RFX3: variants seen among roughly 807,000 people sequenced by gnomAD.
The protein encoded by RFX3 is transcription factor RFX3.
In RFX3, 14 loss-of-function variants were observed where a neutral mutation model predicts 98.6. The ratio of observed to expected loss-of-function variants is 0.14; its 90% CI spans 0.09 to 0.22. RFX3 has a LOEUF of 0.22. Among genes scored for constraint, RFX3 ranks in the 10% least tolerant of loss-of-function variants. The pLI is 1.00. For synonymous variants in RFX3, 383 were observed against 328.4 expected, an observed-to-expected ratio of 1.17 and a Z score of -1.80; for missense variants, 639 against 926.9, an observed-to-expected ratio of 0.69 and a Z score of 4.03.
chr9:3,370,042 C>T (rs1211286859), intron 2 of RFX3, among the ~76,000 whole-genome samples: 2 of 148,014 alleles, frequency 1.4e-5, no homozygotes, highest in Non-Finnish European at 3.0e-5. Flanking sequence ...GGGGTTTCCC[C>T]GTGTTAGCCA....
chr9:3,357,741 C>T (rs866728884), intron 2 of RFX3, among the ~76,000 whole-genome samples: 1 of 151,886 alleles, frequency 6.6e-6, no homozygotes, highest in African/African-American at 2.4e-5. Flanking sequence ...CTAGAAGAAT[C>T]GTAATGTTCC....
At chr9:3,441,353 CAT>C (rs1256357015) in intron 1 of RFX3, among the ~76,000 whole-genome samples, 5 of 151,912 alleles carry the variant, frequency 3.3e-5, no homozygotes, top group Admixed American at 1.3e-4. Context: ...AGCACATTTA[CAT>C]ATGTTTCCTG....
chr9:3,228,970 C>T (rs1368187905), intron 15 of RFX3, 81 bp from the exon 16 acceptor site: 7 of 1,194,872 alleles, frequency 5.9e-6, no homozygotes, highest in Non-Finnish European at 8.4e-6. Context: ...GTAAAAATGC[C>T]AATCTATGAC....
intron 1 of RFX3, among the ~76,000 whole-genome samples, chr9:3,434,301 T>C (rs950524593): frequency 6.6e-6 from 1 of 152,136 alleles, no homozygotes. Flanking sequence ...TAACAGAATA[T>C]ACCACTCTGC....
intron 5 of RFX3, among the ~76,000 whole-genome samples, chr9:3,297,793 A>C (rs1828171021): frequency 6.6e-6 from 1 of 151,992 alleles, no homozygotes. Flanking sequence ...CATAAAATAG[A>C]CGGCTAGAGC....
At position 3,340,757 on chromosome 9, in the gene RFX3, G is replaced by C. The variant is rs1355483487; in HGVS notation, c.215+5910C>G. On this transcript the variant is annotated intron_variant, in intron 3 of 16. Coordinates refer to ENST00000617270, the MANE Select transcript of RFX3 (RefSeq NM_001282116.2). ...ATCCTTAAAAACTCAGGAAACAACA[G>C]GTGCTGGAGAGGATGTGGAGAAATA... Among the ~76,000 whole-genome samples the C allele has an allele frequency of 2.6e-5, 4 of 152,280 alleles. No homozygotes were observed. The East Asian group carries it at 7.7e-4, about 29-fold the overall frequency.
intron 1 of RFX3, among the ~76,000 whole-genome samples, chr9:3,485,994 C>T (rs764745266): frequency 1.3e-5 from 2 of 151,738 alleles, no homozygotes; most frequent in Non-Finnish European, 2.9e-5. Flanking sequence ...CATGGTGGCG[C>T]ATTGCCTGTA....
intron 4 of RFX3, among the ~76,000 whole-genome samples, chr9:3,318,185 T>C (rs971954143): frequency 5.3e-5 from 8 of 152,228 alleles, no homozygotes; most frequent in East Asian, 3.8e-4. Context: ...TGGAATACTA[T>C]GCAACCATAA....
chr9:3,503,330 T>C (rs1272157941), intron 1 of RFX3, among the ~76,000 whole-genome samples: 3 of 152,196 alleles, frequency 2.0e-5, no homozygotes, highest in Non-Finnish European at 4.4e-5. Context: ...AGATGGTTTT[T>C]TGCTTTGCTT....
chr9:3,295,560 T>C (rs1203763847), intron 5 of RFX3, among the ~76,000 whole-genome samples: 1 of 152,116 alleles, frequency 6.6e-6, no homozygotes, highest in Non-Finnish European at 1.5e-5. Context: ...AAATACTTTT[T>C]GAAACAGAGT....
At chr9:3,258,410 G>C (rs879401049) in intron 13 of RFX3, among the ~76,000 whole-genome samples, 2 of 152,044 alleles carry the variant, frequency 1.3e-5, no homozygotes, top group African/African-American at 4.8e-5. Flanking sequence ...TCTAGTTCCA[G>C]TATCTCTCCT....
chr9:3,469,250 T>C, intron 1 of RFX3: 1 of 448,038 alleles, frequency 2.2e-6, no homozygotes, highest in Non-Finnish European at 4.5e-6. Context: ...GGAACACAAA[T>C]ACGTTATGCT....
At chr9:3,235,684 A>G (rs607243) in intron 15 of RFX3, among the ~76,000 whole-genome samples, 3,466 of 152,186 alleles carry the variant, frequency 0.023, 64 homozygotes, top group Middle Eastern at 0.044. Context: ...TTCCATTTTC[A>G]AAGCCAGTGA....
chr9:3,266,999 A>C (rs1269074571), intron 11 of RFX3, among the ~76,000 whole-genome samples: 1 of 152,036 alleles, frequency 6.6e-6, no homozygotes, highest in East Asian at 1.9e-4. Flanking sequence ...TAAAACCTGA[A>C]ATAGGGATAG....
rs78692571 is a variant in RFX3, at chr9:3,339,563, C to T, written c.215+7104G>A. Among the ~76,000 whole-genome samples the T allele has an allele frequency of 7.4e-3, 1,132 of 152,268 alleles. 8 individuals carry two copies. Among genetic ancestry groups the T allele is most frequent in the African/African-American group, 0.026 (1,071 of 41,542 alleles). ...CACCAAGTAGTCAGCTCCTGTCTCA[C>T]TGATCATTCAATGCTAATCTTTAAT... On this transcript the variant is annotated intron_variant, in intron 3 of 16. Transcript: ENST00000617270.
chr9:3,492,042 T>C lies in RFX3; in HGVS notation c.-9+33705A>G, dbSNP rs1587849520. 2.6e-5 allele frequency among the ~76,000 whole-genome samples: 4 copies of C among 152,330 alleles called. 1 individual carries two copies. Among genetic ancestry groups the C allele is most frequent in the African/African-American group, 9.6e-5 (4 of 41,582 alleles). On this transcript the variant is annotated intron_variant, in intron 1 of 16. Transcript: ENST00000617270. ...TCTACAATGACTTTATTTTCATCTC[T>C]GGCACAACTATTCAAAATATCTACT...
chr9:3,504,052 T>C (rs953214296), intron 1 of RFX3, among the ~76,000 whole-genome samples: 1 of 150,302 alleles, frequency 6.7e-6, no homozygotes, highest in African/African-American at 2.4e-5. Context: ...GAATTTAATT[T>C]TGAAAATGGC....
At chr9:3,507,193 G>C (rs571476686) in intron 1 of RFX3, among the ~76,000 whole-genome samples, 2 of 151,890 alleles carry the variant, frequency 1.3e-5, no homozygotes, top group South Asian at 4.1e-4. Flanking sequence ...AATTAGCAGA[G>C]ATAATAAGAA....
At chr9:3,348,689 G>T (rs537874642) in intron 2 of RFX3, among the ~76,000 whole-genome samples, 1 of 151,808 alleles carries the variant, frequency 6.6e-6, no homozygotes, top group Non-Finnish European at 1.5e-5. Flanking sequence ...AGAGGTGATC[G>T]GTGTGGTTTT....
Sources: allele counts gnomAD v4.1 joint callset (sites outside exome capture counted in the v4.1 genomes callset), GRCh38; gene constraint gnomAD v4.1.1; transcripts MANE v1.5; gene names NCBI Gene and HGNC (gene_info 2026-07-23, HGNC 2026-07-21).